Variants in TBC1D5 observed in about 807,000 individuals in gnomAD.
The protein encoded by TBC1D5 is TBC1 domain family, member 5.
TBC1D5 carries 75 observed loss-of-function variants against 100.3 expected under a neutral mutation model. The ratio of observed to expected loss-of-function variants is 0.75; its 90% confidence interval spans 0.62 to 0.91. TBC1D5 has a LOEUF of 0.91. Among genes scored for constraint, TBC1D5 ranks in the 40% least tolerant of loss-of-function variants. TBC1D5 has a pLI of 0.00. For missense variants in TBC1D5, 910 were observed against 942.4 expected (o/e 0.97, Z 0.45); for synonymous variants, 323 against 325.6 (o/e 0.99, Z 0.09).
chr3:17,391,965 A>C (rs2093363121), intron 8 of TBC1D5, among the ~76,000 whole-genome samples: 1 of 152,138 alleles, frequency 6.6e-6, no homozygotes, highest in Non-Finnish European at 1.5e-5. Flanking sequence ...GGTAAACATA[A>C]AGGTGCTAGA....
chr3:17,199,299 C>A (rs2125772857), intron 18 of TBC1D5, among the ~76,000 whole-genome samples: 1 of 152,294 alleles, frequency 6.6e-6, no homozygotes, highest in East Asian at 1.9e-4. Context: ...GTGCAATAAA[C>A]AGATATTCAT....
At chr3:17,586,758 C>G (rs1343645545) in intron 2 of TBC1D5, among the ~76,000 whole-genome samples, 2 of 151,924 alleles carry the variant, frequency 1.3e-5, no homozygotes, top group African/African-American at 4.8e-5. Context: ...TATTTTAACT[C>G]CTGGAAGAAA....
intron 3 of TBC1D5, among the ~76,000 whole-genome samples, chr3:17,495,060 A>G (rs933473200): frequency 6.6e-6 from 1 of 152,148 alleles, no homozygotes; most frequent in South Asian, 2.1e-4. Flanking sequence ...TTGCTCCACT[A>G]TGCTTTTCCT....
chr3:17,623,526 TA>T (rs1220004877), intron 2 of TBC1D5, among the ~76,000 whole-genome samples: 3 of 152,204 alleles, frequency 2.0e-5, no homozygotes, highest in Non-Finnish European at 4.4e-5. Flanking sequence ...CAGAGTGCCA[TA>T]AAAGTACAAT....
At chr3:17,239,385 T>C (rs2076130754) in intron 16 of TBC1D5, among the ~76,000 whole-genome samples, 1 of 152,210 alleles carries the variant, frequency 6.6e-6, no homozygotes, top group Non-Finnish European at 1.5e-5. Flanking sequence ...ATCATTTCCA[T>C]TAGCATACAA....
At chr3:17,660,614 T>C (rs2153741831) in intron 1 of TBC1D5, among the ~76,000 whole-genome samples, 1 of 152,356 alleles carries the variant, frequency 6.6e-6, no homozygotes, top group African/African-American at 2.4e-5. Flanking sequence ...TGTTTGTTGT[T>C]CTAGCTATGG....
intron 4 of TBC1D5, among the ~76,000 whole-genome samples, chr3:17,425,158 A>C (rs898523977): frequency 6.6e-6 from 1 of 152,236 alleles, no homozygotes; most frequent in Admixed American, 6.5e-5. Context: ...GGAACAAAAA[A>C]GTAACTAATA....
chr3:17,225,456 A>C (rs1384803782), intron 17 of TBC1D5, among the ~76,000 whole-genome samples: 1 of 150,694 alleles, frequency 6.6e-6, no homozygotes, highest in Admixed American at 6.6e-5. Context: ...AAAAAAAAAA[A>C]CAAAAAACAA....
At chr3:17,226,529 G>C (rs983321185) in intron 17 of TBC1D5, among the ~76,000 whole-genome samples, 3 of 151,972 alleles carry the variant, frequency 2.0e-5, no homozygotes, top group Non-Finnish European at 4.4e-5. Flanking sequence ...CAACTGAAGA[G>C]AGCTTCCTTG....
chr3:17,405,758 C>T (rs2093754959), intron 5 of TBC1D5, among the ~76,000 whole-genome samples: 1 of 151,994 alleles, frequency 6.6e-6, no homozygotes, highest in African/African-American at 2.4e-5. Flanking sequence ...CTTGCACAGA[C>T]TCAGTATGCT....
chr3:17,381,237 T>C (rs1023557715), intron 9 of TBC1D5, among the ~76,000 whole-genome samples: 3 of 152,046 alleles, frequency 2.0e-5, no homozygotes, highest in Non-Finnish European at 2.9e-5. Flanking sequence ...AAATGGTAGA[T>C]GGAGTGCACA....
chr3:17,208,724 C>T (rs2072564706), intron 18 of TBC1D5, among the ~76,000 whole-genome samples: 2 of 152,056 alleles, frequency 1.3e-5, no homozygotes, highest in African/African-American at 2.4e-5. Flanking sequence ...GTTAAAGTAC[C>T]ATCATAAAGA....
intron 4 of TBC1D5, among the ~76,000 whole-genome samples, chr3:17,412,062 G>A (rs2093941322): frequency 6.6e-6 from 1 of 152,098 alleles, no homozygotes; most frequent in Non-Finnish European, 1.5e-5. Flanking sequence ...GCACTCACAG[G>A]CATATTTTTT....
intron 2 of TBC1D5, chr3:17,524,482 C>A (rs1271235883): frequency 6.6e-6 from 1 of 152,148 alleles, no homozygotes; most frequent in South Asian, 2.1e-4. Context: ...TAGTGAAAAA[C>A]CATAAGCAAT....
chr3:17,419,977 C>G lies in TBC1D5; in HGVS notation c.167+8473G>C, dbSNP rs2094169811. Among the ~76,000 whole-genome samples the G allele has an allele frequency of 2.6e-5, 4 of 152,174 alleles. 1 individual carries two copies. The highest frequency in any genetic ancestry group is 9.6e-5 in the African/African-American group (4 of 41,530). On this transcript the variant is annotated intron_variant, in intron 4 of 21. Coordinates refer to ENST00000253692, the Ensembl canonical transcript of TBC1D5. ...CCTGTTGGGATTACTGGTCTAAGTC[C>G]CTGCACCTGGCCTTCCCCTAGTTCT...
At chr3:17,639,037 G>A (rs1317677292) in intron 1 of TBC1D5, among the ~76,000 whole-genome samples, 1 of 152,008 alleles carries the variant, frequency 6.6e-6, no homozygotes, top group Non-Finnish European at 1.5e-5. Flanking sequence ...GAAATGAAAA[G>A]AAATATTCAC....
chr3:17,734,099 A>G (rs1335194922), intron 1 of TBC1D5, among the ~76,000 whole-genome samples: 1 of 152,218 alleles, frequency 6.6e-6, no homozygotes, highest in African/African-American at 2.4e-5. Context: ...CATAGGCACG[A>G]AGGGATATTA....
intron 1 of TBC1D5, among the ~76,000 whole-genome samples, chr3:17,725,377 G>A (rs2076036497): frequency 6.6e-6 from 1 of 151,988 alleles, no homozygotes; most frequent in South Asian, 2.1e-4. Flanking sequence ...AACTACTTAG[G>A]AGCGAAGAAG....
At chr3:17,503,176 T>C (rs922131704) in intron 3 of TBC1D5, among the ~76,000 whole-genome samples, 4 of 149,706 alleles carry the variant, frequency 2.7e-5, no homozygotes, top group Admixed American at 1.3e-4. Context: ...CATTCTACTT[T>C]TGAACTCTAA....
Sources: gnomAD v4.1 joint callset for allele counts (sites outside exome capture counted in the v4.1 genomes callset) on GRCh38, gnomAD v4.1.1 for gene constraint, MANE v1.5 for transcripts, NCBI Gene and HGNC (gene_info 2026-07-23, HGNC 2026-07-21) for gene names.